Variants in HHLA2 observed in about 807,000 individuals in gnomAD.
HHLA2 encodes the protein HERV-H LTR-associating protein 2.
HHLA2 carries 48 observed loss-of-function variants against 45.9 expected under a neutral mutation model. The observed-to-expected ratio is 1.05, with a 90% CI of 0.83 to 1.33. The LOEUF (loss-of-function observed/expected upper bound fraction) is 1.33. Ranked by LOEUF, HHLA2 falls within the 40% of genes most tolerant of loss-of-function variation. The pLI is 0.00. For missense variants in HHLA2, 462 were observed against 494.3 expected (o/e 0.93, Z 0.62); for synonymous variants, 161 against 173.9 (o/e 0.93, Z 0.59).
At chr3:108,351,009 C>A (rs1179632114) in intron 3 of HHLA2, among the ~76,000 whole-genome samples, 3 of 152,158 alleles carry the variant, frequency 2.0e-5, no homozygotes, top group Non-Finnish European at 4.4e-5. Context: ...TTAAAACTTT[C>A]TTTTAGAGAT....
intron 3 of HHLA2, among the ~76,000 whole-genome samples, chr3:108,331,297 A>G (rs73850860): frequency 1.6e-3 from 240 of 152,242 alleles, no homozygotes; most frequent in African/African-American, 5.5e-3. Context: ...TTATATTTTG[A>G]AGATTTTTCA....
At chr3:108,357,211 A>G (rs2081909678) in intron 6 of HHLA2, among the ~76,000 whole-genome samples, 1 of 152,118 alleles carries the variant, frequency 6.6e-6, no homozygotes, top group African/African-American at 2.4e-5. Flanking sequence ...GCCAGGGGGA[A>G]CAGTCCATGA....
chr3:108,304,790 C>T (rs1222427693), intron 1 of HHLA2, among the ~76,000 whole-genome samples: 1 of 152,176 alleles, frequency 6.6e-6, no homozygotes, highest in Non-Finnish European at 1.5e-5. Flanking sequence ...TGTTAGGGTA[C>T]TTGTCCATGT....
intron 8 of HHLA2, among the ~76,000 whole-genome samples, chr3:108,366,409 T>A (rs1206352433): frequency 6.6e-6 from 1 of 152,238 alleles, no homozygotes; most frequent in African/African-American, 2.4e-5. Flanking sequence ...TTCGCTTTGA[T>A]GTTCATCAGG....
Position 108,359,192 on chromosome 3 carries a change from A to T in HHLA2, c.1003+1031A>T, listed in dbSNP as rs554546867. ...AATTTTGGAGTGTAAAAAAAAAAATAGTCAAGAAGAAATGTCCTAAAGACT... is the reference window on the plus strand; with the variant it reads ...AATTTTGGAGTGTAAAAAAAAAAATTGTCAAGAAGAAATGTCCTAAAGACT... On this transcript the variant is annotated intron_variant, in intron 7 of 10. Coordinates refer to ENST00000619531, the Ensembl canonical transcript of HHLA2. 3.9e-5 allele frequency among the ~76,000 whole-genome samples: 6 copies of T among 152,254 alleles called. No homozygotes were observed. The East Asian group carries it at 1.2e-3, about 29-fold the overall frequency.
intron 1 of HHLA2, 52 bp downstream of exon 1, chr3:108,296,651 A>T (rs1460985712): frequency 6.6e-6 from 1 of 152,266 alleles, no homozygotes; most frequent in Non-Finnish European, 1.5e-5. Context: ...AGTGGGCATG[A>T]ATAAATCAAA....
chr3:108,322,011 G>A (rs1309931177), intron 2 of HHLA2, among the ~76,000 whole-genome samples: 3 of 152,006 alleles, frequency 2.0e-5, no homozygotes, highest in Admixed American at 2.0e-4. Context: ...ATTTGTTTTT[G>A]TTGATTTTCA....
exon 5 of HHLA2, chr3:108,353,505 T>A (rs1389456981): frequency 6.2e-7 from 1 of 1,610,428 alleles, no homozygotes. Flanking sequence ...GAAGATATAA[T>A]TCTCCCTTCT....
At chr3:108,362,955 C>A (rs2107486402) in intron 8 of HHLA2, among the ~76,000 whole-genome samples, 1 of 152,268 alleles carries the variant, frequency 6.6e-6, no homozygotes, top group African/African-American at 2.4e-5. Context: ...AGCCCCTGGG[C>A]TCTGCCTGTT....
At chr3:108,328,236 C>A in intron 2 of HHLA2, 1 of 1,075,616 alleles carries the variant, frequency 9.3e-7, no homozygotes, top group Non-Finnish European at 1.3e-6. Context: ...CATTGATACT[C>A]TGGAATCACC....
At chr3:108,323,380 AC>A (rs1409801805) in intron 2 of HHLA2, among the ~76,000 whole-genome samples, 1 of 152,120 alleles carries the variant, frequency 6.6e-6, no homozygotes, top group African/African-American at 2.4e-5. Context: ...CTTCTCATGT[AC>A]CCCATAAATA....
intron 3 of HHLA2, among the ~76,000 whole-genome samples, chr3:108,338,097 C>T (rs912925033): frequency 6.6e-5 from 10 of 151,086 alleles, no homozygotes; most frequent in Admixed American, 3.3e-4. Flanking sequence ...ATATATGTAG[C>T]GATACCTGTC....
At chr3:108,314,208 A>G (rs1024511344) in intron 2 of HHLA2, among the ~76,000 whole-genome samples, 2 of 152,142 alleles carry the variant, frequency 1.3e-5, no homozygotes, top group African/African-American at 4.8e-5. Context: ...AATACTTGAT[A>G]CAGAGAAAGA....
intron 1 of HHLA2, among the ~76,000 whole-genome samples, chr3:108,297,414 TCATA>T (rs1273749584): frequency 6.6e-6 from 1 of 152,164 alleles, no homozygotes; most frequent in East Asian, 1.9e-4. Flanking sequence ...GTGGTCAAGA[TCATA>T]GTCTCTAGAG....
At chr3:108,299,581 C>G (rs537339137) in intron 1 of HHLA2, among the ~76,000 whole-genome samples, 31 of 151,998 alleles carry the variant, frequency 2.0e-4, no homozygotes, top group African/African-American at 6.5e-4. Flanking sequence ...GTGCAGGAAT[C>G]TATGGAAATG....
rs566025058 is a variant in HHLA2 at position 108,361,775 on chromosome 3, A to T, written c.1004-567A>T. ...TCTCTGTGGTCACCTGCCACCTCTA[A>T]CTCAAGACCAGGGCTTCTACTCATC... On this transcript the variant is annotated intron_variant, in intron 7 of 10. Coordinates refer to ENST00000619531, the Ensembl canonical transcript of HHLA2. Among the ~76,000 whole-genome samples, 13 of 151,930 alleles carry T rather than the reference A, an allele frequency of 8.6e-5. No homozygotes were observed. In the South Asian group the frequency reaches 2.1e-3, roughly 24 times the overall value.
At chr3:108,299,083 C>T (rs2080809013) in intron 1 of HHLA2, among the ~76,000 whole-genome samples, 1 of 152,034 alleles carries the variant, frequency 6.6e-6, no homozygotes, top group Non-Finnish European at 1.5e-5. Context: ...TTCTTTTTGT[C>T]CCATACTCTA....
At chr3:108,371,846 A>G (rs936160007) in intron 8 of HHLA2, among the ~76,000 whole-genome samples, 1 of 152,160 alleles carries the variant, frequency 6.6e-6, no homozygotes, top group Non-Finnish European at 1.5e-5. Flanking sequence ...GTGACCTACA[A>G]AGAGACTTAG....
At chr3:108,326,083 T>G in intron 2 of HHLA2, 1 of 276,692 alleles carries the variant, frequency 3.6e-6, no homozygotes, top group Non-Finnish European at 7.1e-6. Context: ...CTGTTCAAAA[T>G]TATTTCTTAG....
Sources: allele counts gnomAD v4.1 joint callset (sites outside exome capture counted in the v4.1 genomes callset), GRCh38; gene constraint gnomAD v4.1.1; transcripts MANE v1.5; gene names NCBI Gene and HGNC (gene_info 2026-07-23, HGNC 2026-07-21).